Variants in ERI3 observed in about 807,000 individuals in gnomAD.
ERI3 encodes ERI1 exoribonuclease family member 3.
In ERI3, 18 loss-of-function variants were observed where a neutral mutation model predicts 44.4. The ratio of observed to expected loss-of-function variants is 0.41; its 90% confidence interval spans 0.28 to 0.60. The LOEUF (loss-of-function observed/expected upper bound fraction) is 0.60, where lower values mean the gene tolerates loss of function less well. Among genes scored for constraint, ERI3 ranks in the 20% least tolerant of loss-of-function variants. The pLI, the probability that ERI3 is intolerant of heterozygous loss-of-function variation, is 0.36. For missense variants in ERI3, 294 were observed against 435.5 expected (o/e 0.68, Z 2.89); for synonymous variants, 183 against 164.8 (o/e 1.11, Z -0.84).
intron 4 of ERI3, among the ~76,000 whole-genome samples, chr1:44,314,242 G>A (rs1646035853): frequency 6.6e-6 from 1 of 152,010 alleles, no homozygotes; most frequent in South Asian, 2.1e-4. Context: ...GGCTCTAAAA[G>A]GGAAGGTTAT....
chr1:44,294,374 A>G (rs900321811), intron 6 of ERI3, among the ~76,000 whole-genome samples: 19 of 152,190 alleles, frequency 1.2e-4, no homozygotes, highest in African/African-American at 4.6e-4. Context: ...CTATCTGCCA[A>G]CTGTCTCTCA....
At chr1:44,340,668 A>T (rs1002078845) in intron 2 of ERI3, among the ~76,000 whole-genome samples, 4 of 152,232 alleles carry the variant, frequency 2.6e-5, no homozygotes, top group Non-Finnish European at 5.9e-5. Flanking sequence ...ACGCTAGTGT[A>T]GGTCCTCAAT....
In ERI3 at chr1:44,252,020, C is replaced by A. The variant is rs2154318615; in HGVS notation, c.832-3982G>T. Among the ~76,000 whole-genome samples the A allele has an allele frequency of 6.6e-6, 1 of 152,368 alleles. No homozygotes were observed. The highest frequency in any genetic ancestry group is 2.1e-4 in the South Asian group (1 of 4,830). ...AAGCTGCTTCCAAATCCTCTGGGTG[C>A]CACTTCTTTGGCTGCATCTCTCTCA... is the stretch of plus-strand genomic sequence containing the variant. On this transcript the variant is annotated intron_variant, in intron 7 of 8. Coordinates refer to ENST00000372257, the MANE Select transcript of ERI3 (RefSeq NM_024066.3). This position sits in a 1 kb window ranked among gnomAD's most constrained non-coding sequence, Gnocchi z 4.7.
Position 44,255,886 on chromosome 1 carries a change from C to T in ERI3, c.832-7848G>A, listed in dbSNP as rs1394851580. ...AGCAGTTCCTTCAGCCTGCCTAGAA[C>T]GCCCTCTGCCTTCTCCCACATTTTG... On this transcript the variant is annotated intron_variant, in intron 7 of 8. Transcript: ENST00000372257. 3.3e-5 allele frequency among the ~76,000 whole-genome samples: 5 copies of T among 152,288 alleles called. No individual in the cohort carries two copies. The East Asian group carries it at 7.7e-4, about 24-fold the overall frequency.
chr1:44,236,671 A>C (rs1021575607), intron 8 of ERI3, among the ~76,000 whole-genome samples: 1 of 152,022 alleles, frequency 6.6e-6, no homozygotes, highest in African/African-American at 2.4e-5. Flanking sequence ...TGTGGGGAGC[A>C]GGAGGAGAGT....
chr1:44,228,949 AG>A lies in ERI3; in HGVS notation c.932-7310del. Among the ~76,000 whole-genome samples the A allele has an allele frequency of 6.6e-6, 1 of 152,334 alleles. No homozygotes were observed. The highest frequency in any genetic ancestry group is 2.1e-4 in the South Asian group (1 of 4,824). ...GTCAACGTCATTCAAACCCCAATAC[AG>A]AATGAGGACAGAAACCACGTTGGGC... is the stretch of plus-strand genomic sequence containing the variant. On this transcript the variant is annotated intron_variant, in intron 8 of 8. Coordinates refer to ENST00000372257, the MANE Select transcript of ERI3 (RefSeq NM_024066.3). The surrounding 1 kb of genome is among the most constrained non-coding windows in gnomAD (Gnocchi z 4.3).
At chr1:44,350,087 C>T (rs1646858953) in intron 2 of ERI3, among the ~76,000 whole-genome samples, 1 of 152,118 alleles carries the variant, frequency 6.6e-6, no homozygotes, top group African/African-American at 2.4e-5. Context: ...CCAAATAGGA[C>T]ATATATAGAA....
At chr1:44,337,522 C>T (rs571970101) in intron 3 of ERI3, among the ~76,000 whole-genome samples, 24 of 152,314 alleles carry the variant, frequency 1.6e-4, no homozygotes, top group African/African-American at 4.8e-4. Flanking sequence ...AGGCAGAGAA[C>T]GTAAGTGTGG....
At chr1:44,319,443 T>A (rs1284135790) in intron 4 of ERI3, among the ~76,000 whole-genome samples, 185 bp downstream of exon 4, 1 of 152,204 alleles carries the variant, frequency 6.6e-6, no homozygotes, top group East Asian at 1.9e-4. Flanking sequence ...TCTCCCTGGG[T>A]CCCCAGTAAC....
intron 7 of ERI3, among the ~76,000 whole-genome samples, chr1:44,272,640 G>C (rs536535497): frequency 1.3e-5 from 2 of 151,876 alleles, no homozygotes; most frequent in Non-Finnish European, 1.5e-5. Flanking sequence ...CCAGGAGTTC[G>C]AGACCAGCCT....
At chr1:44,233,506 C>A (rs981275131) in intron 8 of ERI3, among the ~76,000 whole-genome samples, 1 of 151,460 alleles carries the variant, frequency 6.6e-6, no homozygotes, top group African/African-American at 2.4e-5. Flanking sequence ...CGGGTTCAAG[C>A]GATTCTCCTG....
chr1:44,332,710 G>A (rs1268255006), intron 3 of ERI3, among the ~76,000 whole-genome samples: 2 of 152,154 alleles, frequency 1.3e-5, no homozygotes, highest in African/African-American at 4.8e-5. Context: ...GCCAAGACTC[G>A]GACACAGCAA....
At chr1:44,269,297 T>TA (rs1645046388) in intron 7 of ERI3, among the ~76,000 whole-genome samples, 2 of 152,324 alleles carry the variant, frequency 1.3e-5, no homozygotes, top group Admixed American at 6.5e-5. Flanking sequence ...AAAGGGCAAG[T>TA]AACCCAACAC....
chr1:44,354,996 C>T lies in ERI3; in HGVS notation c.31G>A (p.Gly11Arg). The change falls in exon 1 of 9, where the codon GGG becomes AGG. Residue 11 changes from glycine (G) to arginine (R), a missense_variant. By Grantham distance (125) the Gly-to-Arg change is moderately radical. Transcript: ENST00000372257. ...CCTCCTTCCCAGGGCCGCCCCCGCC[C>T]CCCGTCAGCAGCGGGAGAGGCTGTC... MATASPAADGGRGRPWEGGLV... is the reference protein window; with the variant it reads MATASPAADGRRGRPWEGGLV... 1 of 1,378,250 alleles carries T rather than the reference C, an allele frequency of 7.3e-7. No individual in the cohort carries two copies. The highest frequency in any genetic ancestry group is 2.8e-5 in the East Asian group (1 of 35,952). The allele number at this position is 1,378,250 out of a possible 1,614,324, so 85.4% of individuals were successfully genotyped here. A position where few individuals can be genotyped will look rare whatever the true frequency, so the allele number is the denominator to read the frequency against.
chr1:44,319,177 A>G (rs1646149216), intron 4 of ERI3, among the ~76,000 whole-genome samples: 1 of 152,258 alleles, frequency 6.6e-6, no homozygotes. Context: ...GACAGAATGT[A>G]CCTTCGACAA....
rs1193763634 is a variant in ERI3, at chr1:44,355,145, G to A, written c.-119C>T. The A allele has an allele frequency of 2.5e-6, 3 of 1,221,124 alleles. No individual in the cohort carries two copies. Among genetic ancestry groups the A allele is most frequent in the Non-Finnish European group, 2.0e-6 (2 of 977,674 alleles). The allele number at this position is 1,221,124 out of a possible 1,614,324, so 75.6% of individuals were successfully genotyped here. ...GGCGGCGGCGGGCGCGGCCCGCGCC[G>A]ACTGCGGCGCCGGCCAGGCAGAGGC... On this transcript the variant is annotated 5_prime_UTR_variant, in exon 1 of 9. Transcript: ENST00000372257.
intron 5 of ERI3, among the ~76,000 whole-genome samples, chr1:44,310,950 A>G (rs867208854): frequency 1.3e-5 from 1 of 74,292 alleles, no homozygotes; most frequent in Non-Finnish European, 2.7e-5. Context: ...GTATGTGCAC[A>G]TCGCGCGCGC....
intron 6 of ERI3, among the ~76,000 whole-genome samples, chr1:44,293,694 G>C (rs780905405): frequency 2.6e-5 from 4 of 152,210 alleles, no homozygotes; most frequent in Non-Finnish European, 5.9e-5. Flanking sequence ...CCTACAACTA[G>C]AAAGCAGTAA....
At chr1:44,316,740 C>T (rs1266483185) in intron 4 of ERI3, among the ~76,000 whole-genome samples, 1 of 152,144 alleles carries the variant, frequency 6.6e-6, no homozygotes, top group African/African-American at 2.4e-5. Context: ...CCTTTACTGG[C>T]ACTTAGCAAA....
Sources: allele counts gnomAD v4.1 joint callset (sites outside exome capture counted in the v4.1 genomes callset), GRCh38; gene constraint gnomAD v4.1.1; non-coding constraint Gnocchi (gnomAD v3.1); transcripts MANE v1.5; gene names NCBI Gene and HGNC (gene_info 2026-07-23, HGNC 2026-07-21).